The following F8 variants were observed in gnomAD, a reference collection of about 807,000 sequenced individuals.
F8 encodes antihemophilic factor.
F8 carries 12 observed loss-of-function variants against 140.6 expected under a neutral mutation model. That is an observed-to-expected ratio of 0.09 (90% CI 0.05 to 0.14). The LOEUF is 0.14. F8 is among the 10% of genes least tolerant of loss of function. The probability of loss-of-function intolerance (pLI) is 1.00; values close to 1 mark genes in which losing one functional copy is unlikely to be tolerated. For synonymous variants in F8, 585 were observed against 614.6 expected (o/e 0.95, Z 0.71); for missense variants, 1,354 against 1,720.7 (o/e 0.79, Z 3.77).
chrX:154,891,776 GAT>G (rs1291742189), intron 22 of F8, among the ~76,000 whole-genome samples: 3 of 112,426 alleles, frequency 2.7e-5, no homozygotes, highest in Non-Finnish European at 3.8e-5. Context: ...CTTCAACAGA[GAT>G]ATGATATCTG....
intron 14 of F8, among the ~76,000 whole-genome samples, chrX:154,915,449 T>A (rs1557277023): frequency 8.9e-6 from 1 of 112,312 alleles, no homozygotes; most frequent in Non-Finnish European, 1.9e-5. Context: ...TCTATGAACA[T>A]GGGATAGATA....
At position 154,930,059 on chromosome X, in the gene F8, T is replaced by C. The variant is rs782414641; in HGVS notation, c.3731A>G (p.Lys1244Arg). 5.8e-6 allele frequency: 7 copies of C among 1,209,965 alleles called. No individual in the cohort carries two copies. Among genetic ancestry groups the C allele is most frequent in the Non-Finnish European group, 7.8e-6 (7 of 895,211 alleles). ...CCTAGTGCTCAGTAAGAAAAGGTTCTTCATGAAATTCTTAGTGCCAGTCAC... is the reference window on the plus strand; with the variant it reads ...CCTAGTGCTCAGTAAGAAAAGGTTCCTCATGAAATTCTTAGTGCCAGTCAC... ...HTVTGTKNFM[K>R]NLFLLSTRQN... The change falls in exon 14 of 26, where the codon AAG (lysine) becomes AGG (arginine). Residue 1244 changes from lysine (K) to arginine (R), a missense_variant. Transcript: ENST00000360256.
At chrX:154,979,438 G>T (rs1557283312) in intron 6 of F8, among the ~76,000 whole-genome samples, 1 of 111,166 alleles carries the variant, frequency 9.0e-6, no homozygotes, top group East Asian at 2.8e-4. Flanking sequence ...CTGCCCTCAG[G>T]CTCCTTGGTG....
In F8 at chrX:155,009,737, A is replaced by AAAAT. The variant is rs782614308; in HGVS notation, c.144-10141_144-10138dup. Among the ~76,000 whole-genome samples the AAAAT allele has an allele frequency of 3.0e-3, 338 of 110,831 alleles. 2 individuals are homozygous for AAAAT. The highest frequency in any genetic ancestry group is 0.014 in the East Asian group (48 of 3,542). On this transcript the variant is annotated intron_variant, in intron 1 of 25. Coordinates refer to ENST00000360256, the MANE Select transcript of F8 (RefSeq NM_000132.4). ...GGGATAGAGTTAGACTCTGTCTCAA[A>AAAAT]AAATAAATAAATAAATAAATAAATA...
At position 154,984,763 on chromosome X, in the gene F8, C is replaced by T. The variant is rs2073549688; in HGVS notation, c.711G>A (p.Gln237=). The T allele has an allele frequency of 8.3e-7, 1 of 1,211,318 alleles. No individual in the cohort carries two copies. ...CCCGAGCAGATGCAGCATCCCTATC[C>T]TGCATCAAGGAGTTCTTTGTTTCTG... The part of the protein sequence containing the change: ...WHSETKNSLM[Q]DRDAASARAW... Residue 237 remains glutamine, a synonymous_variant, in exon 6 of 26, where the codon CAG becomes CAA. Transcript: ENST00000360256.
In F8 at chrX:154,905,106, G is replaced by T. The variant is rs1557276253; in HGVS notation, c.5374-83C>A. 5.4e-6 allele frequency: 4 copies of T among 745,900 alleles called. No homozygotes were observed. In the African/African-American group the frequency reaches 8.6e-5, roughly 16 times the overall value. The allele number at this position is 745,900 out of a possible 1,213,427, so 61.5% of individuals were successfully genotyped here. On this transcript the variant is annotated intron_variant, in intron 15 of 25. Transcript: ENST00000360256. Reference sequence around the variant, plus strand: ...GTCCTTAGGGTTTACATCCCTAAAAGAAATACCTGTCTTTTGGTCTTTATC... The same window carrying T: ...GTCCTTAGGGTTTACATCCCTAAAATAAATACCTGTCTTTTGGTCTTTATC...
chrX:154,993,261 T>TTTG (rs1226840424), intron 3 of F8, 113 bp from the exon 4 acceptor site: 56 of 632,123 alleles, frequency 8.9e-5, no homozygotes, highest in Admixed American at 2.7e-4. Context: ...TTTCTGCATC[T>TTTG]TTGTTGTTGT....
At chrX:154,991,630 GTT>G (rs2073588931) in intron 4 of F8, among the ~76,000 whole-genome samples, 1 of 111,846 alleles carries the variant, frequency 8.9e-6, no homozygotes, top group Non-Finnish European at 1.9e-5. Flanking sequence ...AAACACTAAT[GTT>G]TTGATGATCT....
chrX:154,951,285 C>T lies in F8; in HGVS notation c.1903+2607G>A, dbSNP rs782477961. Among the ~76,000 whole-genome samples the T allele has an allele frequency of 1.0e-3, 114 of 111,739 alleles. 1 individual carries two copies. Among genetic ancestry groups the T allele is most frequent in the Non-Finnish European group, 1.8e-3 (97 of 53,018 alleles). On this transcript the variant is annotated intron_variant, in intron 12 of 25. Transcript: ENST00000360256. ...TTAAAACACAAAATTATAAAACAAA[C>T]ATCTAGGTCATGAAATACAATATTG...
In F8 at chrX:154,837,716, C is replaced by T; in HGVS notation, c.6937G>A (p.Val2313Met). ...AGTAACGGTGGGTCTAGAGAGTTCA[C>T]CACAGGTGTGAAGGAGTCTTGATTT... Reference protein sequence around the residue: ...QGNQDSFTPVVNSLDPPLLTR... With the variant: ...QGNQDSFTPVMNSLDPPLLTR... The change falls in exon 26 of 26, where the codon GTG becomes ATG. Residue 2313 changes from valine (V) to methionine (M), a missense_variant. Around this residue, in one of 4 missense-constraint regions of F8, gnomAD observed 316 missense variants for 485.4 expected, o/e 0.65. Transcript: ENST00000360256. 8.3e-7 allele frequency: 1 copy of T among 1,211,535 alleles called. No individual in the cohort carries two copies. Among genetic ancestry groups the T allele is most frequent in the Non-Finnish European group, 1.1e-6 (1 of 895,255 alleles).
At chrX:154,947,658 C>G (rs782796136) in intron 13 of F8, 40 bp downstream of exon 13, 25 of 1,043,184 alleles carry the variant, frequency 2.4e-5, no homozygotes, top group Admixed American at 1.5e-4. Context: ...GCTAGTGAAG[C>G]ATTCACAGCT....
intron 25 of F8, among the ~76,000 whole-genome samples, chrX:154,840,434 G>A (rs1221608559): frequency 1.8e-5 from 2 of 111,501 alleles, no homozygotes; most frequent in Non-Finnish European, 3.8e-5. Flanking sequence ...ATCTAAGATT[G>A]CCTGGCAGTT....
At chrX:154,931,723 C>CA in intron 13 of F8, 47 bp from the exon 14 acceptor site, 1 of 1,081,039 alleles carries the variant, frequency 9.3e-7, no homozygotes, top group Non-Finnish European at 1.3e-6. Context: ...AACACAGATT[C>CA]TAAAACGTTC....
intron 1 of F8, among the ~76,000 whole-genome samples, chrX:155,021,928 C>T (rs2073762127): frequency 8.9e-6 from 1 of 111,934 alleles, no homozygotes. Context: ...CCCCAAAACA[C>T]GAAAAGCTTC....
intron 21 of F8, among the ~76,000 whole-genome samples, chrX:154,899,105 A>AAACCAAC (rs1482031015): frequency 1.8e-5 from 2 of 112,993 alleles, no homozygotes; most frequent in Non-Finnish European, 3.7e-5. Flanking sequence ...GCAGAAGCAC[A>AAACCAAC]AACCAACAAA....
At chrX:154,846,614 T>A (rs1325025315) in intron 25 of F8, among the ~76,000 whole-genome samples, 2 of 111,844 alleles carry the variant, frequency 1.8e-5, no homozygotes, top group Non-Finnish European at 3.8e-5. Context: ...CTGCTTTTCT[T>A]TTTTTGTTTT....
At chrX:155,006,084 T>C (rs1447548690) in intron 1 of F8, among the ~76,000 whole-genome samples, 1 of 112,477 alleles carries the variant, frequency 8.9e-6, no homozygotes, top group African/African-American at 3.2e-5. Flanking sequence ...TAAAAAGTTG[T>C]AAAATCACCC....
rs2123993564 is a variant in F8 at position 154,901,361 on chromosome X, T to C, written c.6187+10A>G. ...GCCCAGGTTCTTGGAGCAAAAATAATAGTATTTACCATATTGTCCTGAAGC... is the reference window on the plus strand; with the variant it reads ...GCCCAGGTTCTTGGAGCAAAAATAACAGTATTTACCATATTGTCCTGAAGC... On this transcript the variant is annotated intron_variant, in intron 20 of 25. Transcript: ENST00000360256. 8.9e-7 allele frequency: 1 copy of C among 1,127,785 alleles called. No individual in the cohort carries two copies. The highest frequency in any genetic ancestry group is 1.2e-6 in the Non-Finnish European group (1 of 818,915). 92.9% of individuals were successfully genotyped at this position (1,127,785 alleles called of 1,213,427 possible).
At chrX:154,847,852 G>A (rs1371627920) in intron 25 of F8, among the ~76,000 whole-genome samples, 1 of 112,988 alleles carries the variant, frequency 8.9e-6, no homozygotes, top group Non-Finnish European at 1.9e-5. Context: ...TTTGGAGTAG[G>A]AGAGGTACTC....
Sources: allele counts gnomAD v4.1 joint callset (sites outside exome capture counted in the v4.1 genomes callset), GRCh38; gene constraint gnomAD v4.1.1; regional missense constraint gnomAD v4.1.1; transcripts MANE v1.5; gene names NCBI Gene and HGNC (gene_info 2026-07-23, HGNC 2026-07-21).